The following WWC2 variants were observed in gnomAD, a reference collection of about 807,000 sequenced individuals.
WWC2 encodes WW and C2 domain containing 2, also known as protein WWC2.
A neutral mutation model predicts 138.5 loss-of-function variants in WWC2; 101 were observed. The observed-to-expected ratio is 0.73, with a 90% CI of 0.62 to 0.86. WWC2 has a LOEUF of 0.86. Ranked by LOEUF, WWC2 falls within the 40% of genes least tolerant of loss-of-function variation. The probability of loss-of-function intolerance (pLI) is 0.00; values close to 1 mark genes in which losing one functional copy is unlikely to be tolerated. For missense variants in WWC2, 1,420 were observed against 1,419.4 expected, an observed-to-expected ratio of 1.00 and a Z score of -0.01; for synonymous variants, 558 against 538.4, an observed-to-expected ratio of 1.04 and a Z score of -0.50.
intron 21 of WWC2, among the ~76,000 whole-genome samples, chr4:183,306,792 G>T (rs913903666): frequency 6.8e-6 from 1 of 146,600 alleles, no homozygotes; most frequent in Non-Finnish European, 1.5e-5. Context: ...CTCCCAAAGT[G>T]CTGGGATTAC....
At chr4:183,146,792 G>A (rs1459847798) in intron 1 of WWC2, among the ~76,000 whole-genome samples, 3 of 152,240 alleles carry the variant, frequency 2.0e-5, no homozygotes, top group African/African-American at 7.2e-5. Flanking sequence ...AAATGAGTTG[G>A]TGAAGCCAAA....
chr4:183,149,552 G>A (rs1733576635), intron 1 of WWC2, among the ~76,000 whole-genome samples: 1 of 151,784 alleles, frequency 6.6e-6, no homozygotes. Flanking sequence ...AACCTGGGAG[G>A]CGGAGGTTGC....
intron 21 of WWC2, among the ~76,000 whole-genome samples, chr4:183,298,735 C>T (rs780284386): frequency 3.9e-5 from 6 of 152,178 alleles, no homozygotes; most frequent in Admixed American, 6.5e-5. Flanking sequence ...ACCAGAATCC[C>T]TTCTAGTTAC....
intron 14 of WWC2, among the ~76,000 whole-genome samples, chr4:183,266,414 TGTGACCA>T (rs1737507230): frequency 2.6e-5 from 4 of 152,236 alleles, no homozygotes; most frequent in Admixed American, 2.6e-4. Context: ...TTTACTTCCC[TGTGACCA>T]GTGAGTTCTT....
chr4:183,199,346 A>G (rs1182489957), intron 2 of WWC2, among the ~76,000 whole-genome samples: 3 of 152,192 alleles, frequency 2.0e-5, no homozygotes, highest in Non-Finnish European at 4.4e-5. Flanking sequence ...CTTTTCAGCC[A>G]GAAGAAACGC....
chr4:183,159,035 C>T (rs1003688701), intron 1 of WWC2, among the ~76,000 whole-genome samples: 9 of 152,138 alleles, frequency 5.9e-5, no homozygotes, highest in African/African-American at 2.2e-4. Context: ...CAGCTTGGTT[C>T]TGCTGGGTGC....
In WWC2 at chr4:183,261,268, A is replaced by G. The variant is rs1314676247; in HGVS notation, c.1645A>G (p.Arg549Gly). Residue 549 changes from arginine (R) to glycine (G), a missense_variant, in exon 11 of 23, where the codon AGG (arginine) becomes GGG (glycine). Transcript: ENST00000403733. ...GAAGTCTGTGGCCTCCCTGTCCTCG[A>G]GGTCCTCCCTTTCCTCCTTGTCTCC... ...APKSVASLSSRSSLSSLSPPG... is the reference protein window; with the variant it reads ...APKSVASLSSGSSLSSLSPPG... 6.2e-7 allele frequency: 1 copy of G among 1,613,382 alleles called. No homozygotes were observed. The highest frequency in any genetic ancestry group is 1.7e-5 in the Admixed American group (1 of 59,954).
intron 4 of WWC2, among the ~76,000 whole-genome samples, chr4:183,224,212 CTA>C (rs1173009985): frequency 4.6e-5 from 7 of 152,178 alleles, no homozygotes; most frequent in African/African-American, 1.7e-4. Flanking sequence ...ATTATGAGAT[CTA>C]GTTTTTTTGG....
intron 3 of WWC2, 68 bp downstream of exon 3, chr4:183,208,224 A>C: frequency 6.6e-7 from 1 of 1,514,834 alleles, no homozygotes; most frequent in Non-Finnish European, 9.0e-7. Flanking sequence ...AAGACCACTT[A>C]CATTTCTATG....
At chr4:183,254,041 G>A in intron 9 of WWC2, 42 bp downstream of exon 9, 1 of 1,598,070 alleles carries the variant, frequency 6.3e-7, no homozygotes. Context: ...AACTCTTGTG[G>A]GGGTGTCTTA....
At position 183,248,630 on chromosome 4, in the gene WWC2, T is replaced by C. The variant is rs548620948; in HGVS notation, c.733-84T>C. 748 of 1,381,824 alleles carry C rather than the reference T, an allele frequency of 5.4e-4. 1 individual carries two copies. The highest frequency in any genetic ancestry group is 6.5e-4 in the Non-Finnish European group (668 of 1,033,926). 85.6% of individuals were successfully genotyped at this position (1,381,824 alleles called of 1,614,324 possible). ...GTTGTTTTTTTCCATTGAGATTAGC[T>C]CTTTCCTTTTAATTTCACCTGGTAG... On this transcript the variant is annotated intron_variant, in intron 6 of 22. Coordinates refer to ENST00000403733, the MANE Select transcript of WWC2 (RefSeq NM_024949.6).
chr4:183,140,282 A>G (rs1292272303), intron 1 of WWC2, among the ~76,000 whole-genome samples: 1 of 152,264 alleles, frequency 6.6e-6, no homozygotes, highest in Non-Finnish European at 1.5e-5. Context: ...AACAGTGAGT[A>G]CATTGTAAAC....
At chr4:183,280,534 A>G (rs1005897310) in intron 16 of WWC2, among the ~76,000 whole-genome samples, 7 of 151,824 alleles carry the variant, frequency 4.6e-5, no homozygotes, top group African/African-American at 1.5e-4. Context: ...ACCTTATTAT[A>G]TTTCTGTTCT....
chr4:183,251,548 C>A (rs1433299419), intron 8 of WWC2, among the ~76,000 whole-genome samples: 2 of 152,206 alleles, frequency 1.3e-5, no homozygotes, highest in Non-Finnish European at 2.9e-5. Context: ...TCATATTCTG[C>A]TCCCCAAATT....
At chr4:183,147,026 A>G (rs1235791799) in intron 1 of WWC2, among the ~76,000 whole-genome samples, 1 of 152,194 alleles carries the variant, frequency 6.6e-6, no homozygotes, top group Non-Finnish European at 1.5e-5. Context: ...ACTCATCTTC[A>G]GAGATTTGGA....
Position 183,315,700 on chromosome 4 carries a change from A to G in WWC2, c.3550A>G (p.Ile1184Val). ...CTACTTCACCAGAGCAAAGATAAGCATCCCATCCCTGCCAGCTGATGATGT... is the reference window on the plus strand; with the variant it reads ...CTACTTCACCAGAGCAAAGATAAGCGTCCCATCCCTGCCAGCTGATGATGT... ...IAYFTRAKIS[I>V]PSLPADDV Residue 1184 changes from isoleucine (I) to valine (V), a missense_variant, in exon 23 of 23, where the codon ATC becomes GTC. By Grantham distance (29) the Ile-to-Val change is conservative. Coordinates refer to ENST00000403733, the MANE Select transcript of WWC2 (RefSeq NM_024949.6). 1 of 1,613,590 alleles carries G rather than the reference A, an allele frequency of 6.2e-7. No individual in the cohort carries two copies. Among genetic ancestry groups the G allele is most frequent in the Non-Finnish European group, 8.5e-7 (1 of 1,179,668 alleles).
chr4:183,313,883 C>T (rs557776529), intron 22 of WWC2, among the ~76,000 whole-genome samples: 1 of 150,128 alleles, frequency 6.7e-6, no homozygotes, highest in East Asian at 2.0e-4. Context: ...TCAGCCCCGA[C>T]GGAGGGAGCT....
intron 9 of WWC2, among the ~76,000 whole-genome samples, chr4:183,258,690 C>T (rs1288527611): frequency 6.6e-6 from 1 of 152,136 alleles, no homozygotes; most frequent in Non-Finnish European, 1.5e-5. Flanking sequence ...ATTATAGTCA[C>T]CATTTTACAG....
Position 183,108,902 on chromosome 4 carries a change from C to A in WWC2, c.131+9280C>A, listed in dbSNP as rs931757967. ...GGGATTACAGGTGTGAGACACCACA[C>A]CCGGCCCGATTGTAGTTAATTTTAT... is the stretch of plus-strand genomic sequence containing the variant. On this transcript the variant is annotated intron_variant, in intron 1 of 22. Transcript: ENST00000403733. 2.6e-5 allele frequency among the ~76,000 whole-genome samples: 4 copies of A among 152,320 alleles called. No homozygotes were observed. The East Asian group carries it at 7.7e-4, about 29-fold the overall frequency.
Sources: allele counts gnomAD v4.1 joint callset (sites outside exome capture counted in the v4.1 genomes callset), GRCh38; gene constraint gnomAD v4.1.1; transcripts MANE v1.5; gene names NCBI Gene and HGNC (gene_info 2026-07-23, HGNC 2026-07-21).